Variants in KIF1C observed in about 807,000 individuals in gnomAD.
KIF1C encodes the protein kinesin family member 1C, also known as kinesin-like protein KIF1C.
A neutral mutation model predicts 126.5 loss-of-function variants in KIF1C; 61 were observed. The ratio of observed to expected loss-of-function variants is 0.48; its 90% CI spans 0.39 to 0.60. The LOEUF (loss-of-function observed/expected upper bound fraction) is 0.60, where lower values mean the gene tolerates loss of function less well. Among genes scored for constraint, KIF1C ranks in the 20% least tolerant of loss-of-function variants. The probability of loss-of-function intolerance (pLI) is 0.00; values close to 1 mark genes in which losing one functional copy is unlikely to be tolerated. For missense variants in KIF1C, 1,315 were observed against 1,489.2 expected, an observed-to-expected ratio of 0.88 and a Z score of 1.93; for synonymous variants, 640 against 580.6, an observed-to-expected ratio of 1.10 and a Z score of -1.47.
At chr17:5,000,540 G>T (rs1974559228) in intron 3 of KIF1C, among the ~76,000 whole-genome samples, 188 bp downstream of exon 3, 1 of 152,046 alleles carries the variant, frequency 6.6e-6, no homozygotes, top group Non-Finnish European at 1.5e-5. Flanking sequence ...GGGAATGTTG[G>T]CCTGGAGCCC....
intron 17 of KIF1C, 89 bp downstream of exon 17, chr17:5,013,821 G>T: frequency 1.1e-6 from 1 of 947,544 alleles, no homozygotes; most frequent in Non-Finnish European, 1.7e-6. Context: ...CCCTTCCCTG[G>T]TGGTCCCTGG....
chr17:5,003,325 A>C (rs1490414857), intron 8 of KIF1C, among the ~76,000 whole-genome samples: 1 of 151,978 alleles, frequency 6.6e-6, no homozygotes, highest in Non-Finnish European at 1.5e-5. Flanking sequence ...GGGATTACAG[A>C]TGTGAGCCAC....
In KIF1C at chr17:5,002,455, C is replaced by G; in HGVS notation, c.430-9C>G. On this transcript the variant is annotated splice_polypyrimidine_tract_variant and intron_variant, in intron 6 of 22. Coordinates refer to ENST00000320785, the MANE Select transcript of KIF1C (RefSeq NM_006612.6). ...GTTTTGTTACTTCTCATTTGCTTCT[C>G]CCACTCAGGTGAGCTATATGGAGAT... 6 of 1,566,114 alleles carry G rather than the reference C, an allele frequency of 3.8e-6. No homozygotes were observed. The highest frequency in any genetic ancestry group is 5.2e-6 in the Non-Finnish European group (6 of 1,152,978).
chr17:5,003,992 C>T lies in KIF1C; in HGVS notation c.865-6C>T. On this transcript the variant is annotated splice_polypyrimidine_tract_variant and splice_region_variant and intron_variant, in intron 10 of 22. Transcript: ENST00000320785. ...CCCTAACCTCCTTCCTCCTTTTATC[C>T]CCCAGCAATCAAAGAAGCGAAAGTC... The T allele has an allele frequency of 1.2e-6, 2 of 1,613,462 alleles. No homozygotes were observed. The highest frequency in any genetic ancestry group is 1.7e-6 in the Non-Finnish European group (2 of 1,179,470).
chr17:5,008,448 C>G (rs1974784315), intron 16 of KIF1C, among the ~76,000 whole-genome samples: 1 of 152,216 alleles, frequency 6.6e-6, no homozygotes, highest in South Asian at 2.1e-4. Flanking sequence ...CCCAGCCCGT[C>G]TGGACCATGG....
chr17:5,021,005 G>A (rs1019353730), intron 21 of KIF1C, 127 bp downstream of exon 21: 3 of 768,510 alleles, frequency 3.9e-6, no homozygotes, highest in African/African-American at 3.5e-5. Flanking sequence ...GGGTCCAAGA[G>A]GAAAAAGCCA....
At chr17:5,004,542 G>A (rs777365851) in intron 11 of KIF1C, 25 bp from the exon 12 acceptor site, 2 of 1,612,328 alleles carry the variant, frequency 1.2e-6, no homozygotes, top group South Asian at 1.1e-5. Context: ...CTCAGCTGAA[G>A]CTTTTCCATG....
At chr17:5,000,119 TG>T (rs1454837637) in intron 2 of KIF1C, 100 bp from the exon 3 acceptor site, 6 of 664,838 alleles carry the variant, frequency 9.0e-6, no homozygotes, top group Non-Finnish European at 1.1e-5. Context: ...TGGGTGGCTC[TG>T]GGGGAGATGT....
intron 5 of KIF1C, 142 bp from the exon 6 acceptor site, chr17:5,001,917 C>T: frequency 1.4e-6 from 1 of 713,202 alleles, no homozygotes; most frequent in Non-Finnish European, 2.4e-6. Flanking sequence ...GTTTTCCCAT[C>T]TGTGAAATGG....
intron 16 of KIF1C, among the ~76,000 whole-genome samples, chr17:5,012,679 G>A (rs1414933972): frequency 6.6e-6 from 1 of 152,170 alleles, no homozygotes; most frequent in Admixed American, 6.5e-5. Flanking sequence ...CAGGAAGGCA[G>A]GTGGGCCTGG....
intron 17 of KIF1C, 119 bp downstream of exon 17, chr17:5,013,851 A>C (rs1567725092): frequency 2.8e-6 from 2 of 713,720 alleles, no homozygotes; most frequent in East Asian, 5.4e-5. Flanking sequence ...AGATCTCTAA[A>C]CAGCTGCCTC....
At chr17:5,009,918 G>C (rs1257759092) in intron 16 of KIF1C, among the ~76,000 whole-genome samples, 1 of 151,968 alleles carries the variant, frequency 6.6e-6, no homozygotes, top group Non-Finnish European at 1.5e-5. Flanking sequence ...AGTTGTAGTT[G>C]CATATCTATT....
In KIF1C at chr17:5,020,969, G is replaced by A. The variant is rs567172480; in HGVS notation, c.2010+91G>A. 1.7e-6 allele frequency: 2 copies of A among 1,158,000 alleles called. No homozygotes were observed. The highest frequency in any genetic ancestry group is 5.1e-5 in the East Asian group (2 of 39,054). 71.7% of individuals were successfully genotyped at this position (1,158,000 alleles called of 1,614,324 possible). A position where few individuals can be genotyped will look rare whatever the true frequency, so the allele number is the denominator to read the frequency against. On this transcript the variant is annotated intron_variant, in intron 21 of 22. Transcript: ENST00000320785. This position sits in a 1 kb window ranked among gnomAD's most constrained non-coding sequence, Gnocchi z 5.8. ...CAGTGCTCACCGCTGAGCCAGAGTG[G>A]GAAATGGGCATGGGGGTAAGGGGAA...
Position 4,998,010 on chromosome 17 carries a change from C to T in KIF1C, c.-295C>T, listed in dbSNP as rs930065167. The T allele has an allele frequency of 2.7e-5, 4 of 148,800 alleles. No homozygotes were observed. The highest frequency in any genetic ancestry group is 9.8e-5 in the African/African-American group (4 of 41,006). The allele number at this position is 148,800 out of a possible 1,614,324, so 9.2% of individuals were successfully genotyped here. A position where few individuals can be genotyped will look rare whatever the true frequency, so the allele number is the denominator to read the frequency against. On this transcript the variant is annotated 5_prime_UTR_variant, in exon 1 of 23. Coordinates refer to ENST00000320785, the MANE Select transcript of KIF1C (RefSeq NM_006612.6). ...GCCGCTACTGCTGCCGCCCCCGGGG[C>T]GCGAGTCCGCCGCCCGCCGCCCGGG...
intron 9 of KIF1C, 78 bp from the exon 10 acceptor site, chr17:5,003,773 C>T: frequency 5.8e-6 from 9 of 1,552,942 alleles, no homozygotes; most frequent in Non-Finnish European, 8.0e-6. Flanking sequence ...CTGAGACTCT[C>T]ACTGGGGAGG....
In KIF1C at chr17:5,023,606, C is replaced by A. The variant is rs147017530; in HGVS notation, c.2767C>A (p.Arg923=). The change falls in exon 23 of 23, where the codon CGG becomes AGG. Residue 923 remains arginine, a synonymous_variant. Coordinates refer to ENST00000320785, the MANE Select transcript of KIF1C (RefSeq NM_006612.6). The surrounding 1 kb of genome is among the most constrained non-coding windows in gnomAD (Gnocchi z 4.2). ...PPSPPLSSWE[R]VSRLMEEDPA... The stretch of plus-strand genomic sequence containing the variant: ...CTCGCCACCACTGTCAAGCTGGGAG[C>A]GGGTGTCACGGCTCATGGAGGAGGA... The A allele has an allele frequency of 6.2e-7, 1 of 1,613,688 alleles. No homozygotes were observed. Among genetic ancestry groups the A allele is most frequent in the African/African-American group, 1.3e-5 (1 of 75,014 alleles).
At chr17:5,017,470 A>AT (rs1974998248) in intron 18 of KIF1C, among the ~76,000 whole-genome samples, 1 of 151,232 alleles carries the variant, frequency 6.6e-6, no homozygotes, top group African/African-American at 2.4e-5. Context: ...CACCCGGCTC[A>AT]TTTTTTTGTA....
At position 5,022,506 on chromosome 17, in the gene KIF1C, G is replaced by A. The variant is rs201219607; in HGVS notation, c.2425G>A (p.Glu809Lys). The change falls in exon 22 of 23, where the codon GAG becomes AAG. Residue 809 changes from glutamate to lysine, a missense_variant. Glu to Lys is a moderately conservative substitution (Grantham distance 56). Coordinates refer to ENST00000320785, the MANE Select transcript of KIF1C (RefSeq NM_006612.6). This position sits in a 1 kb window ranked among gnomAD's most constrained non-coding sequence, Gnocchi z 4.9. ...VARDVWDTVG[E>K]EEGGGAGSGG... ...CCGGGATGTCTGGGACACTGTAGGC[G>A]AGGAGGAAGGAGGTGGAGCTGGCAG... 5.7e-6 allele frequency: 9 copies of A among 1,587,170 alleles called. No homozygotes were observed. The highest frequency in any genetic ancestry group is 3.4e-5 in the South Asian group (3 of 87,774).
Position 5,022,700 on chromosome 17 carries a change from C to T in KIF1C, c.2619C>T (p.Pro873=). The T allele has an allele frequency of 6.5e-7, 1 of 1,545,076 alleles. No homozygotes were observed. Among genetic ancestry groups the T allele is most frequent in the Non-Finnish European group, 8.7e-7 (1 of 1,147,150 alleles). ...DRMLRMERVI[P]LAQDHEDENE... ...TGCTCCGCATGGAGAGGGTCATCCC[C>T]CTGGCCCAGGTAGGACTGGCCTTCT... The change falls in exon 22 of 23, where the codon CCC becomes CCT. Residue 873 remains proline (P), a synonymous_variant. Transcript: ENST00000320785. This position sits in a 1 kb window ranked among gnomAD's most constrained non-coding sequence, Gnocchi z 4.9.
Sources: gnomAD v4.1 joint callset for allele counts (sites outside exome capture counted in the v4.1 genomes callset) on GRCh38, gnomAD v4.1.1 for gene constraint, Gnocchi (gnomAD v3.1) non-coding constraint, MANE v1.5 for transcripts, NCBI Gene and HGNC (gene_info 2026-07-23, HGNC 2026-07-21) for gene names.